RNF130: variants seen among roughly 807,000 people sequenced by gnomAD.
RNF130 encodes ring finger protein 130, also known as E3 ubiquitin-protein ligase RNF130.
In RNF130, 21 loss-of-function variants were observed where a neutral mutation model predicts 44.6. The observed-to-expected ratio is 0.47, with a 90% CI of 0.33 to 0.68. The LOEUF is 0.68. Among genes scored for constraint, RNF130 ranks in the 30% least tolerant of loss-of-function variants. The pLI is 0.02. For missense variants in RNF130, 479 were observed against 560.6 expected (o/e 0.85, Z 1.47); for synonymous variants, 214 against 210.4 (o/e 1.02, Z -0.15).
chr5:180,010,485 G>C (rs1260383771), intron 3 of RNF130, among the ~76,000 whole-genome samples: 2 of 151,992 alleles, frequency 1.3e-5, no homozygotes, highest in African/African-American at 4.8e-5. Context: ...TCAGCCTCCT[G>C]AATGGATGGG....
At chr5:180,012,009 T>C (rs1763606261) in intron 3 of RNF130, among the ~76,000 whole-genome samples, 1 of 152,206 alleles carries the variant, frequency 6.6e-6, no homozygotes, top group Admixed American at 6.5e-5. Flanking sequence ...ATTTTATATG[T>C]ACTTCCACAG....
chr5:179,975,213 G>A (rs1235632427), intron 5 of RNF130, among the ~76,000 whole-genome samples: 3 of 152,282 alleles, frequency 2.0e-5, no homozygotes, highest in Non-Finnish European at 4.4e-5. Flanking sequence ...AAGGCAGAAG[G>A]AATTCTGTAA....
intron 3 of RNF130, among the ~76,000 whole-genome samples, chr5:180,000,525 A>G (rs987124983): frequency 1.3e-5 from 2 of 152,140 alleles, no homozygotes; most frequent in Admixed American, 6.6e-5. Context: ...CCCATAATAC[A>G]AATATTTGTT....
At chr5:179,953,726 A>G (rs958090711), downstream of RNF130, among the ~76,000 whole-genome samples, 4 of 152,096 alleles carry the variant, frequency 2.6e-5, no homozygotes, top group African/African-American at 7.3e-5. Flanking sequence ...TTAGACATCT[A>G]AAGTACAATC....
At chr5:179,931,905 G>A (rs748068124) in intron 7 of RNF130, among the ~76,000 whole-genome samples, 2 of 152,014 alleles carry the variant, frequency 1.3e-5, no homozygotes, top group Admixed American at 6.6e-5. Context: ...TGAACTTCCC[G>A]CCATATCCCA....
intron 3 of RNF130, among the ~76,000 whole-genome samples, chr5:179,995,819 T>A (rs547663694): frequency 2.8e-4 from 43 of 152,350 alleles, no homozygotes; most frequent in African/African-American, 8.9e-4. Flanking sequence ...AATTTCTCTT[T>A]CCCAGTGTCT....
chr5:180,001,401 G>C (rs567177678), intron 3 of RNF130, among the ~76,000 whole-genome samples: 11 of 152,256 alleles, frequency 7.2e-5, no homozygotes, highest in African/African-American at 2.6e-4. Flanking sequence ...ATGTATTTGT[G>C]GCACCTGTGG....
At chr5:179,973,662 C>G (rs1012788852) in intron 5 of RNF130, among the ~76,000 whole-genome samples, 1 of 152,120 alleles carries the variant, frequency 6.6e-6, no homozygotes, top group African/African-American at 2.4e-5. Flanking sequence ...GCTCTGGGCT[C>G]TCATTATGGA....
intron 2 of RNF130, among the ~76,000 whole-genome samples, chr5:180,019,682 G>A (rs1763828793): frequency 6.6e-6 from 1 of 152,224 alleles, no homozygotes. Flanking sequence ...TTTAGGAAAT[G>A]AATATAGCAA....
intron 3 of RNF130, among the ~76,000 whole-genome samples, chr5:180,008,219 CT>C (rs1763506998): frequency 6.6e-6 from 1 of 152,032 alleles, no homozygotes; most frequent in South Asian, 2.1e-4. Context: ...CCCAACTCCG[CT>C]AGCCAAAGTA....
chr5:180,034,590 T>TTTTCA (rs1764206356), intron 2 of RNF130, among the ~76,000 whole-genome samples: 3 of 49,248 alleles, frequency 6.1e-5, no homozygotes, highest in African/African-American at 2.5e-4. Flanking sequence ...TTTAGGAATT[T>TTTTCA]GTTCATCTAA....
At chr5:179,920,885 G>A (rs1481463423) in intron 7 of RNF130, among the ~76,000 whole-genome samples, 1 of 151,248 alleles carries the variant, frequency 6.6e-6, no homozygotes, top group Non-Finnish European at 1.5e-5. Context: ...ATATGCCTAT[G>A]TTGATCCTTC....
intron 1 of RNF130, among the ~76,000 whole-genome samples, chr5:180,047,122 C>A (rs532819880): frequency 6.6e-6 from 1 of 152,296 alleles, no homozygotes; most frequent in East Asian, 1.9e-4. Context: ...TAGATTCCTC[C>A]ATTGTCAGCT....
chr5:180,013,187 G>C lies in RNF130; in HGVS notation c.567C>G (p.Asn189Lys). Residue 189 changes from asparagine to lysine, a missense_variant, in exon 3 of 9, where the codon AAC (asparagine) becomes AAG (lysine). Asn to Lys is a moderately conservative substitution (Grantham distance 94, BLOSUM62 0). Transcript: ENST00000521389. ...CGAAGACTAGAGAGCCACGGCTGAA[G>C]TTCTTCGGTGGCATTCGAGTTCCAA... is the stretch of plus-strand genomic sequence containing the variant. Reference protein sequence around the residue: ...IAVGTRMPPKNFSRGSLVFVS... With the variant: ...IAVGTRMPPKKFSRGSLVFVS... The C allele has an allele frequency of 6.2e-7, 1 of 1,614,170 alleles. No homozygotes were observed. The highest frequency in any genetic ancestry group is 8.5e-7 in the Non-Finnish European group (1 of 1,180,030).
intron 3 of RNF130, among the ~76,000 whole-genome samples, chr5:179,983,098 C>G (rs1762874474): frequency 6.6e-6 from 1 of 152,116 alleles, no homozygotes; most frequent in African/African-American, 2.4e-5. Context: ...ATTATATATT[C>G]CAGATAAAAA....
intron 7 of RNF130, among the ~76,000 whole-genome samples, chr5:179,944,802 G>A (rs946505607): frequency 1.3e-5 from 2 of 152,028 alleles, no homozygotes; most frequent in African/African-American, 4.8e-5. Context: ...GGGGTAACGT[G>A]TCTGGCTCTG....
intron 3 of RNF130, among the ~76,000 whole-genome samples, chr5:180,010,146 C>T (rs924719755): frequency 3.5e-5 from 5 of 141,810 alleles, no homozygotes; most frequent in Non-Finnish European, 7.6e-5. Flanking sequence ...ACTCCGGAGG[C>T]TGAGGCAGGA....
intron 8 of RNF130, among the ~76,000 whole-genome samples, chr5:179,957,649 T>TG (rs1207909904): frequency 6.6e-6 from 1 of 152,182 alleles, no homozygotes; most frequent in East Asian, 1.9e-4. Flanking sequence ...CTTCTTCCTA[T>TG]GGCATCCCTT....
At chr5:180,035,998 G>C (rs1462647586) in intron 2 of RNF130, among the ~76,000 whole-genome samples, 1 of 152,104 alleles carries the variant, frequency 6.6e-6, no homozygotes, top group Non-Finnish European at 1.5e-5. Context: ...GTTTGTCTCT[G>C]CTAAATCCAT....
Sources: allele counts gnomAD v4.1 joint callset (sites outside exome capture counted in the v4.1 genomes callset), GRCh38; gene constraint gnomAD v4.1.1; transcripts MANE v1.5; gene names NCBI Gene and HGNC (gene_info 2026-07-23, HGNC 2026-07-21).